The following CDH7 variants were observed in gnomAD, a reference collection of about 807,000 sequenced individuals.
CDH7 encodes cadherin 7.
CDH7 carries 25 observed loss-of-function variants against 71.8 expected under a neutral mutation model. The ratio of observed to expected loss-of-function variants is 0.35; its 90% CI spans 0.25 to 0.49. The LOEUF is 0.49. Among genes scored for constraint, CDH7 ranks in the 20% least tolerant of loss-of-function variants. The pLI, the probability that CDH7 is intolerant of heterozygous loss-of-function variation, is 0.99. For missense variants in CDH7, 862 were observed against 974.6 expected, an observed-to-expected ratio of 0.88 and a Z score of 1.54; for synonymous variants, 381 against 363.8, an observed-to-expected ratio of 1.05 and a Z score of -0.54.
intron 3 of CDH7, among the ~76,000 whole-genome samples, chr18:65,812,357 G>C (rs563300978): frequency 2.0e-5 from 3 of 152,256 alleles, no homozygotes; most frequent in African/African-American, 7.2e-5. Context: ...GATGTCTTCA[G>C]GGTGTACTTG....
At chr18:65,763,989 G>A (rs1463744455) in intron 2 of CDH7, among the ~76,000 whole-genome samples, 2 of 151,920 alleles carry the variant, frequency 1.3e-5, no homozygotes, top group Non-Finnish European at 2.9e-5. Flanking sequence ...TTTCTAAATA[G>A]GGTATATTAG....
At chr18:65,833,527 A>G (rs1002251804) in intron 6 of CDH7, among the ~76,000 whole-genome samples, 9 of 152,104 alleles carry the variant, frequency 5.9e-5, no homozygotes, top group African/African-American at 1.4e-4. Flanking sequence ...TAAATTTTGG[A>G]TTATTTTAGT....
intron 2 of CDH7, among the ~76,000 whole-genome samples, chr18:65,790,220 CAAA>C (rs10552878): frequency 0.018 from 1,166 of 66,530 alleles, 10 homozygotes; most frequent in African/African-American, 0.057. Context: ...GACTCTCTCT[CAAA>C]AAAAAAAAAA....
intron 11 of CDH7, among the ~76,000 whole-genome samples, chr18:65,876,340 ATCT>A (rs1345229640): frequency 1.3e-5 from 2 of 152,186 alleles, no homozygotes; most frequent in African/African-American, 2.4e-5. Flanking sequence ...CTTTTGTGAC[ATCT>A]TCTCCCCTAT....
At chr18:65,845,538 T>A (rs1028220669) in intron 7 of CDH7, among the ~76,000 whole-genome samples, 1 of 151,968 alleles carries the variant, frequency 6.6e-6, no homozygotes. Context: ...CAAACATGAG[T>A]TTGAGTTTTG....
chr18:65,782,157 T>TCTTTCTTTCTTTCTTC (rs1910323691), intron 2 of CDH7, among the ~76,000 whole-genome samples: 1 of 112,596 alleles, frequency 8.9e-6, no homozygotes, highest in Non-Finnish European at 1.7e-5. Flanking sequence ...TTTCTTTCTT[T>TCTTTCTTTCTTTCTTC]CTTTCTTCCT....
intron 1 of CDH7, among the ~76,000 whole-genome samples, 170 bp downstream of exon 1, chr18:65,751,320 C>T (rs1915868288): frequency 6.6e-6 from 1 of 152,254 alleles, no homozygotes; most frequent in East Asian, 1.9e-4. Flanking sequence ...TGAGATGTGG[C>T]TCTGCAAGGC....
At chr18:65,833,417 G>T (rs4941360) in intron 6 of CDH7, among the ~76,000 whole-genome samples, 134,948 of 152,196 alleles carry the variant, frequency 0.89, 62,092 homozygotes, top group East Asian at 1. Flanking sequence ...CTCATTAATT[G>T]TTTTCTTTCA....
At chr18:65,759,616 A>T (rs1047161785) in intron 1 of CDH7, among the ~76,000 whole-genome samples, 1 of 152,170 alleles carries the variant, frequency 6.6e-6, no homozygotes, top group African/African-American at 2.4e-5. Flanking sequence ...AACAAAATCA[A>T]TTTTATATAA....
At chr18:65,789,330 A>G (rs1370892932) in intron 2 of CDH7, among the ~76,000 whole-genome samples, 1 of 152,212 alleles carries the variant, frequency 6.6e-6, no homozygotes, top group African/African-American at 2.4e-5. Flanking sequence ...GCTTATGCAA[A>G]GGCGTGGAGA....
chr18:65,822,546 TC>T (rs1911973945), intron 5 of CDH7, among the ~76,000 whole-genome samples: 1 of 106,004 alleles, frequency 9.4e-6, no homozygotes, highest in African/African-American at 2.9e-5. Flanking sequence ...TATGTATTAG[TC>T]TTTTTTCTAA....
At chr18:65,782,145 T>C (rs867739883) in intron 2 of CDH7, among the ~76,000 whole-genome samples, 3 of 110,616 alleles carry the variant, frequency 2.7e-5, no homozygotes, top group African/African-American at 1.5e-4. Flanking sequence ...TTTCTTTCTT[T>C]CTTTCTTTCT....
At chr18:65,760,916 C>G (rs7243232) in intron 1 of CDH7, among the ~76,000 whole-genome samples, 52,566 of 152,032 alleles carry the variant, frequency 0.35, 9,370 homozygotes, top group Middle Eastern at 0.48. Context: ...TTAGTCAGAC[C>G]TACCTACAAT....
intron 2 of CDH7, among the ~76,000 whole-genome samples, chr18:65,778,472 C>G (rs557104686): frequency 1.4e-5 from 2 of 144,924 alleles, no homozygotes; most frequent in Non-Finnish European, 3.0e-5. Flanking sequence ...GCAATCAGCA[C>G]TTAAAGGACT....
intron 3 of CDH7, among the ~76,000 whole-genome samples, chr18:65,814,003 C>A (rs1023752661): frequency 6.6e-6 from 1 of 152,166 alleles, no homozygotes; most frequent in African/African-American, 2.4e-5. Context: ...ATCAAATATT[C>A]TTTGTCAATT....
chr18:65,863,117 A>G (rs1021263774), intron 11 of CDH7, 200 bp downstream of exon 11: 4 of 606,340 alleles, frequency 6.6e-6, no homozygotes, highest in Non-Finnish European at 1.1e-5. Flanking sequence ...GGCTCACTGC[A>G]GCCTCTGCCT....
At chr18:65,875,254 C>G (rs535610187) in intron 11 of CDH7, among the ~76,000 whole-genome samples, 1 of 152,196 alleles carries the variant, frequency 6.6e-6, no homozygotes, top group East Asian at 1.9e-4. Flanking sequence ...TAATAGAATA[C>G]ATTCATTGGA....
In CDH7 at chr18:65,881,034, A is replaced by G. The variant is rs1914215831; in HGVS notation, c.*140A>G. ...GACAGATGGTTGTAAATATTTCTCC[A>G]TTTTTAATTGTTTAGATTTCTGCCT... On this transcript the variant is annotated 3_prime_UTR_variant, in exon 12 of 12. Transcript: ENST00000397968. 3.5e-6 allele frequency: 3 copies of G among 860,008 alleles called. No homozygotes were observed. The highest frequency in any genetic ancestry group is 2.1e-5 in the South Asian group (1 of 47,642). 53.3% of individuals were successfully genotyped at this position (860,008 alleles called of 1,614,324 possible).
chr18:65,781,646 C>T (rs1910191794), intron 2 of CDH7, among the ~76,000 whole-genome samples: 1 of 151,992 alleles, frequency 6.6e-6, no homozygotes, highest in African/African-American at 2.4e-5. Flanking sequence ...TCATTCTATT[C>T]CTTTTTTAAA....
Sources: allele counts gnomAD v4.1 joint callset (sites outside exome capture counted in the v4.1 genomes callset), GRCh38; gene constraint gnomAD v4.1.1; transcripts MANE v1.5; gene names NCBI Gene and HGNC (gene_info 2026-07-23, HGNC 2026-07-21).